NCSTN: variants seen among roughly 807,000 people sequenced by gnomAD.
The protein encoded by NCSTN is anterior pharynx-defective 2.
NCSTN carries 22 observed loss-of-function variants against 87.0 expected under a neutral mutation model. The observed-to-expected ratio is 0.25, with a 90% CI of 0.18 to 0.36. NCSTN has a LOEUF of 0.36. Among genes scored for constraint, NCSTN ranks in the 10% least tolerant of loss-of-function variants. The pLI, the probability that NCSTN is intolerant of heterozygous loss-of-function variation, is 1.00. For missense variants in NCSTN, 693 were observed against 883.3 expected (o/e 0.78, Z 2.73); for synonymous variants, 306 against 327.1 (o/e 0.94, Z 0.69).
chr1:160,357,476 C>T (rs1340772556), intron 16 of NCSTN, among the ~76,000 whole-genome samples: 2 of 152,234 alleles, frequency 1.3e-5, no homozygotes, highest in East Asian at 3.8e-4. Context: ...ACAATCTCAG[C>T]TTACTGCAAC....
chr1:160,343,681 T>G (rs760234387), intron 1 of NCSTN, 200 bp downstream of exon 1: 1 of 718,536 alleles, frequency 1.4e-6, no homozygotes, highest in South Asian at 1.5e-5. Context: ...CAGCACGTCG[T>G]GTCGCTTCAC....
chr1:160,355,870 C>G lies in NCSTN; in HGVS notation c.1463C>G (p.Ala488Gly). ...NFVTDTAKAL[A>G]DVATVLGRAL... ...CCTCCTCACCTACCACAGGCCCTGG[C>G]AGATGTGGCCACGGTGCTGGGACGT... The change falls in exon 13 of 17, where the codon GCA (alanine) becomes GGA (glycine). Residue 488 changes from alanine to glycine, a missense_variant. Transcript: ENST00000294785. The G allele has an allele frequency of 6.2e-7, 1 of 1,614,118 alleles. No individual in the cohort carries two copies. Among genetic ancestry groups the G allele is most frequent in the Admixed American group, 1.7e-5 (1 of 60,030 alleles).
intron 10 of NCSTN, 123 bp downstream of exon 10, chr1:160,353,360 G>C: frequency 1.3e-6 from 2 of 1,562,014 alleles, no homozygotes; most frequent in South Asian, 2.3e-5. Context: ...ATTGGATTGG[G>C]TGTTGGCCAA....
At position 160,350,237 on chromosome 1, in the gene NCSTN, A is replaced by G. The variant is rs985589793; in HGVS notation, c.569A>G (p.Lys190Arg). ...CTTCTTGAAGATGAAAATGAAACCA[A>G]AGTCATCAAGCAGGTAATGACACTG... ...IFLLEDENET[K>R]VIKQCYQDHN... The change falls in exon 5 of 17, where the codon AAA becomes AGA. Residue 190 changes from lysine to arginine, a missense_variant. By Grantham distance (26) the Lys-to-Arg change is conservative. Around this residue, in one of 4 missense-constraint regions of NCSTN, gnomAD observed 235 missense variants for 233.9 expected, o/e 1.00. Coordinates refer to ENST00000294785, the MANE Select transcript of NCSTN (RefSeq NM_015331.3). 2 of 1,614,122 alleles carry G rather than the reference A, an allele frequency of 1.2e-6. No homozygotes were observed. The highest frequency in any genetic ancestry group is 1.7e-5 in the Admixed American group (1 of 60,020).
chr1:160,345,122 G>C, intron 2 of NCSTN: 1 of 471,262 alleles, frequency 2.1e-6, no homozygotes. Flanking sequence ...TAAAGAAGTT[G>C]AGTAACTTTC....
chr1:160,347,118 G>A (rs183010451), intron 2 of NCSTN, among the ~76,000 whole-genome samples: 108 of 152,334 alleles, frequency 7.1e-4, no homozygotes, highest in Non-Finnish European at 1.4e-3. Context: ...AAAGCCTCTA[G>A]AGGTAAAGCC....
chr1:160,344,108 A>G (rs1230562471), intron 1 of NCSTN, among the ~76,000 whole-genome samples: 7 of 152,092 alleles, frequency 4.6e-5, no homozygotes, highest in Non-Finnish European at 1.0e-4. Flanking sequence ...TTACTGATAC[A>G]TGGCTTTTTA....
intron 4 of NCSTN, 90 bp from the exon 5 acceptor site, chr1:160,350,015 C>A: frequency 6.7e-7 from 1 of 1,487,438 alleles, no homozygotes; most frequent in Non-Finnish European, 9.4e-7. Flanking sequence ...AACTCTTAGT[C>A]CCAACTGAAA....
chr1:160,356,556 C>A (rs753000100), intron 14 of NCSTN, 44 bp from the exon 15 acceptor site: 22 of 1,612,028 alleles, frequency 1.4e-5, no homozygotes, highest in Non-Finnish European at 1.9e-5. Flanking sequence ...ATTTCACCCA[C>A]CATCCACCCA....
intron 2 of NCSTN, among the ~76,000 whole-genome samples, chr1:160,346,385 A>G (rs1648492944): frequency 6.6e-6 from 1 of 152,244 alleles, no homozygotes; most frequent in African/African-American, 2.4e-5. Flanking sequence ...GGTGGTCTCA[A>G]AAGTGCTGTA....
At chr1:160,349,401 C>G in intron 3 of NCSTN, 148 bp from the exon 4 acceptor site, 1 of 1,157,524 alleles carries the variant, frequency 8.6e-7, no homozygotes, top group South Asian at 1.2e-5. Flanking sequence ...AGATCATTGT[C>G]CAGACTCAGA....
chr1:160,354,828 C>G (rs968471991), intron 11 of NCSTN, among the ~76,000 whole-genome samples: 1 of 151,644 alleles, frequency 6.6e-6, no homozygotes, highest in Non-Finnish European at 1.5e-5. Context: ...CCTTTAACTG[C>G]TCCTAACTTG....
rs1557889423 is a variant in NCSTN, at chr1:160,356,642, C to T, written c.1682C>T (p.Thr561Ile). 4 of 1,614,202 alleles carry T rather than the reference C, an allele frequency of 2.5e-6. No homozygotes were observed. Among genetic ancestry groups the T allele is most frequent in the Non-Finnish European group, 3.4e-6 (4 of 1,180,046 alleles). Residue 561 changes from threonine (T) to isoleucine (I), a missense_variant, in exon 15 of 17, where the codon ACC becomes ATC. By Grantham distance (89) the Thr-to-Ile change is moderately conservative. Transcript: ENST00000294785. ...LQHYIAVSSP[T>I]NTTYVVQYAL... is the part of the protein sequence containing the mutation. Reference sequence around the variant, plus strand: ...CATTACATCGCTGTCTCCAGCCCCACCAACACCACTTATGTTGTACAGTAT... The same window carrying T: ...CATTACATCGCTGTCTCCAGCCCCATCAACACCACTTATGTTGTACAGTAT...
intron 2 of NCSTN, 158 bp downstream of exon 2, chr1:160,344,984 T>C: frequency 2.8e-6 from 2 of 720,158 alleles, no homozygotes; most frequent in Non-Finnish European, 2.5e-6. Context: ...AGATAATTAA[T>C]AAGAACTAAC....
rs952839356 is a variant in NCSTN, at chr1:160,351,929, C to T, written c.843+124C>T. 6 of 1,466,414 alleles carry T rather than the reference C, an allele frequency of 4.1e-6. No individual in the cohort carries two copies. In the African/African-American group the frequency reaches 8.4e-5, roughly 20 times the overall value. The allele number at this position is 1,466,414 out of a possible 1,614,324, so 90.8% of individuals were successfully genotyped here. Reference sequence around the variant, plus strand: ...AGCCTCAAATGGGGAGGAATCTGGGCTGTGGGACTCCTGGGTTGTCTCCAT... The same window carrying T: ...AGCCTCAAATGGGGAGGAATCTGGGTTGTGGGACTCCTGGGTTGTCTCCAT... On this transcript the variant is annotated intron_variant, in intron 7 of 16. Transcript: ENST00000294785.
Position 160,355,961 on chromosome 1 carries a change from A to G in NCSTN, c.1551+3A>G, listed in dbSNP as rs571822734. On this transcript the variant is annotated splice_donor_region_variant and intron_variant, in intron 13 of 16. Coordinates refer to ENST00000294785, the MANE Select transcript of NCSTN (RefSeq NM_015331.3). ...CAGTTCAGGCTGATCCCCAAACGGT[A>G]AGCAGATGGGCCCTAGCTCCTTCTT... 1.2e-6 allele frequency: 2 copies of G among 1,609,486 alleles called. No individual in the cohort carries two copies. Among genetic ancestry groups the G allele is most frequent in the East Asian group, 2.2e-5 (1 of 44,862 alleles).
rs763497013 is a variant in NCSTN, at chr1:160,352,925, C to T, written c.1035C>T (p.Tyr345=). The T allele has an allele frequency of 2.1e-5, 34 of 1,613,996 alleles. No homozygotes were observed. Among genetic ancestry groups the T allele is most frequent in the South Asian group, 8.8e-5 (8 of 91,084 alleles). Residue 345 remains tyrosine, a synonymous_variant, in exon 9 of 17, where the codon TAC becomes TAT. Coordinates refer to ENST00000294785, the MANE Select transcript of NCSTN (RefSeq NM_015331.3). ...ACATTGGCAGCTCGAGGATGGTCTA[C>T]GATATGGAGAAGGGCAAGTTTCCCG... The part of the protein sequence containing the change: ...FDYIGSSRMV[Y]DMEKGKFPVQ...
intron 2 of NCSTN, 109 bp from the exon 3 acceptor site, chr1:160,348,890 C>G: frequency 6.6e-7 from 1 of 1,512,788 alleles, no homozygotes; most frequent in Non-Finnish European, 9.2e-7. Context: ...CTGTATTCAC[C>G]CAAATATGTT....
chr1:160,349,441 C>A, intron 3 of NCSTN, 108 bp from the exon 4 acceptor site: 2 of 1,436,686 alleles, frequency 1.4e-6, no homozygotes, highest in Non-Finnish European at 2.0e-6. Flanking sequence ...AGAAATAAGT[C>A]AACAGTTTGA....
Sources: gnomAD v4.1 joint callset for allele counts (sites outside exome capture counted in the v4.1 genomes callset) on GRCh38, gnomAD v4.1.1 for gene constraint, gnomAD v4.1.1 regional missense constraint, MANE v1.5 for transcripts, NCBI Gene and HGNC (gene_info 2026-07-23, HGNC 2026-07-21) for gene names.